Variants in SLC13A2 observed in about 807,000 individuals in gnomAD.
SLC13A2 encodes Na(+)-coupled citrate transporter.
Under a neutral mutation model 58.5 loss-of-function variants are expected in SLC13A2, and 40 were observed. That is an observed-to-expected ratio of 0.68 (90% confidence interval 0.53 to 0.89). The LOEUF (loss-of-function observed/expected upper bound fraction) is 0.89, where lower values mean the gene tolerates loss of function less well. Among genes scored for constraint, SLC13A2 ranks in the 40% least tolerant of loss-of-function variants. The pLI is 0.00. For synonymous variants in SLC13A2, 341 were observed against 331.6 expected (o/e 1.03, Z -0.31); for missense variants, 694 against 772.6 (o/e 0.90, Z 1.21).
chr17:28,494,382 GGGAAGTAGAAAACCCAGGGAAGCTGAA>G lies in SLC13A2; in HGVS notation c.1187-6_1207del, dbSNP rs781913631. The G allele has an allele frequency of 2.5e-6, 4 of 1,614,042 alleles. No individual in the cohort carries two copies. The East Asian group carries it at 8.9e-5, about 36-fold the overall frequency. On this transcript the variant is annotated splice_acceptor_variant and splice_polypyrimidine_tract_variant and coding_sequence_variant and intron_variant, in exon 9 of 12. Coordinates refer to ENST00000314669, the MANE Select transcript of SLC13A2 (RefSeq NM_003984.4). LOFTEE classifies it high-confidence loss of function. This position sits in a 1 kb window ranked among gnomAD's most constrained non-coding sequence, Gnocchi z 4.0. ...TTTGGTGACCCATCCTTCTCTGCTTGGGAAGTAGAAAACCCAGGGAAGCTGAAGGCCCCTCTTGGCCTCCTCGACTGG... is the reference window on the plus strand; with the variant it reads ...TTTGGTGACCCATCCTTCTCTGCTTGGGCCCCTCTTGGCCTCCTCGACTGG...
At chr17:28,489,379 T>C (rs1228818131) in intron 2 of SLC13A2, 37 bp downstream of exon 2, 1 of 1,580,318 alleles carries the variant, frequency 6.3e-7, no homozygotes, top group South Asian at 1.2e-5. Context: ...TTCTGGGCAG[T>C]GCGGGAGGCC....
rs919442276 is a variant in SLC13A2 at position 28,496,363 on chromosome 17, C to G, written c.1471-87C>G. On this transcript the variant is annotated intron_variant, in intron 10 of 11. Transcript: ENST00000314669. The surrounding 1 kb of genome is among the most constrained non-coding windows in gnomAD (Gnocchi z 4.2). Reference sequence around the variant, plus strand: ...GTGTATTAGGGTACAGGGGTTGTTCCCCAGAGAAGCAGGAGAATTGGGGGC... The same window carrying G: ...GTGTATTAGGGTACAGGGGTTGTTCGCCAGAGAAGCAGGAGAATTGGGGGC... The G allele has an allele frequency of 3.4e-6, 5 of 1,490,736 alleles. No homozygotes were observed. The African/African-American group carries it at 7.0e-5, about 21-fold the overall frequency. 92.3% of individuals were successfully genotyped at this position (1,490,736 alleles called of 1,614,324 possible).
At position 28,490,465 on chromosome 17, in the gene SLC13A2, G is replaced by A. The variant is rs1555603008; in HGVS notation, c.243G>A (p.Glu81=). Residue 81 remains glutamate (E), a synonymous_variant, in exon 3 of 12, where the codon GAG becomes GAA. Coordinates refer to ENST00000314669, the MANE Select transcript of SLC13A2 (RefSeq NM_003984.4). ...GIVDASEVAV[E]YLKDSNLLFF... Reference sequence around the variant, plus strand: ...TCTCCACCTGCCAGGTTGCCGTCGAGTATCTTAAGGACTCCAACCTCCTGT... The same window carrying A: ...TCTCCACCTGCCAGGTTGCCGTCGAATATCTTAAGGACTCCAACCTCCTGT... 1 of 1,614,080 alleles carries A rather than the reference G, an allele frequency of 6.2e-7. No individual in the cohort carries two copies. Among genetic ancestry groups the A allele is most frequent in the Non-Finnish European group, 8.5e-7 (1 of 1,180,024 alleles).
chr17:28,489,466 A>T lies in SLC13A2; in HGVS notation c.231+124A>T, dbSNP rs1049683851. 9.5e-6 allele frequency: 11 copies of T among 1,156,784 alleles called. No individual in the cohort carries two copies. The African/African-American group carries it at 1.3e-4, about 13-fold the overall frequency. 71.7% of individuals were successfully genotyped at this position (1,156,784 alleles called of 1,614,324 possible). On this transcript the variant is annotated intron_variant, in intron 2 of 11. Transcript: ENST00000314669. ...AGGGCACATGGATTAGGGGTTCCTG[A>T]CTCTGCATGAGGAAGAAGTCAGCTA...
chr17:28,497,467 T>C lies in SLC13A2; in HGVS notation c.*198T>C. ...TGTGCTGGAATAAAAGGTGTGTGCATGTGTGTGTGCGCATATGTGTGCGCC... is the reference window on the plus strand; with the variant it reads ...TGTGCTGGAATAAAAGGTGTGTGCACGTGTGTGTGCGCATATGTGTGCGCC... On this transcript the variant is annotated 3_prime_UTR_variant, in exon 12 of 12. Coordinates refer to ENST00000314669, the MANE Select transcript of SLC13A2 (RefSeq NM_003984.4). 1.6e-6 allele frequency: 1 copy of C among 625,310 alleles called. No individual in the cohort carries two copies. The highest frequency in any genetic ancestry group is 2.8e-5 in the East Asian group (1 of 36,214). 38.7% of individuals were successfully genotyped at this position (625,310 alleles called of 1,614,324 possible).
intron 6 of SLC13A2, among the ~76,000 whole-genome samples, chr17:28,492,333 G>C (rs1422480733): frequency 3.9e-5 from 6 of 152,230 alleles, no homozygotes; most frequent in Non-Finnish European, 7.3e-5. Flanking sequence ...GGGAAGCCCA[G>C]ATGCTGCAAG....
chr17:28,490,309 C>G (rs1298698396), intron 2 of SLC13A2, 145 bp from the exon 3 acceptor site: 42 of 1,586,522 alleles, frequency 2.6e-5, no homozygotes, highest in Non-Finnish European at 3.3e-5. Flanking sequence ...AATGGCAGAT[C>G]ATTCAGAGAC....
intron 1 of SLC13A2, among the ~76,000 whole-genome samples, chr17:28,487,130 T>C (rs2068897446): frequency 6.6e-6 from 1 of 152,164 alleles, no homozygotes; most frequent in Non-Finnish European, 1.5e-5. Context: ...CTTTGGAGTA[T>C]GGAAACAGGG....
chr17:28,492,821 T>C (rs542111118), intron 6 of SLC13A2, among the ~76,000 whole-genome samples: 4 of 152,376 alleles, frequency 2.6e-5, no homozygotes, highest in African/African-American at 9.6e-5. Flanking sequence ...TGAGTGTTAC[T>C]GTGGTATTAA....
intron 1 of SLC13A2, among the ~76,000 whole-genome samples, chr17:28,481,430 G>C (rs1346568275): frequency 6.6e-6 from 1 of 152,208 alleles, no homozygotes; most frequent in Non-Finnish European, 1.5e-5. Context: ...GCAGGCATGG[G>C]GTGGGAAAGC....
intron 6 of SLC13A2, 44 bp from the exon 7 acceptor site, chr17:28,493,527 C>A (rs782439435): frequency 2.0e-6 from 3 of 1,521,474 alleles, no homozygotes; most frequent in Non-Finnish European, 1.8e-6. Flanking sequence ...TTGCTCCCTG[C>A]TGGAGCAGGC....
At chr17:28,485,769 T>C (rs1338791632) in intron 1 of SLC13A2, among the ~76,000 whole-genome samples, 2 of 152,020 alleles carry the variant, frequency 1.3e-5, no homozygotes, top group Non-Finnish European at 2.9e-5. Flanking sequence ...GGAGGATCAC[T>C]TGAAACCAGC....
chr17:28,489,774 T>C (rs906849511), intron 2 of SLC13A2, among the ~76,000 whole-genome samples: 1 of 152,224 alleles, frequency 6.6e-6, no homozygotes, highest in Non-Finnish European at 1.5e-5. Context: ...TTCTAACAAG[T>C]TCCAGTTGGT....
At position 28,497,290 on chromosome 17, in the gene SLC13A2, T is replaced by C; in HGVS notation, c.*21T>C. Reference sequence around the variant, plus strand: ...CCTAGGCTGGGGCACAGCCTGGCCATGCCCAGGAAGACCCACCCCATTCCC... The same window carrying C: ...CCTAGGCTGGGGCACAGCCTGGCCACGCCCAGGAAGACCCACCCCATTCCC... On this transcript the variant is annotated 3_prime_UTR_variant, in exon 12 of 12. Transcript: ENST00000314669. The C allele has an allele frequency of 6.2e-7, 1 of 1,602,022 alleles. No individual in the cohort carries two copies. Among genetic ancestry groups the C allele is most frequent in the Non-Finnish European group, 8.5e-7 (1 of 1,171,798 alleles).
intron 1 of SLC13A2, among the ~76,000 whole-genome samples, chr17:28,481,972 GTTTA>G (rs1456962900): frequency 1.3e-5 from 2 of 151,830 alleles, no homozygotes; most frequent in Non-Finnish European, 2.9e-5. Flanking sequence ...TAATAGCTGT[GTTTA>G]TTTATTTGTT....
chr17:28,494,009 A>G lies in SLC13A2; in HGVS notation c.1098-8A>G. 6.2e-7 allele frequency: 1 copy of G among 1,609,036 alleles called. No homozygotes were observed. Among genetic ancestry groups the G allele is most frequent in the Non-Finnish European group, 8.5e-7 (1 of 1,176,342 alleles). ...ACCCAGCCCTCCCCGCGCCCCCTCCACCAACAGCATGGTGTCCGATGGGAC... is the reference window on the plus strand; with the variant it reads ...ACCCAGCCCTCCCCGCGCCCCCTCCGCCAACAGCATGGTGTCCGATGGGAC... On this transcript the variant is annotated splice_polypyrimidine_tract_variant and splice_region_variant and intron_variant, in intron 7 of 11. Transcript: ENST00000314669. The surrounding 1 kb of genome is among the most constrained non-coding windows in gnomAD (Gnocchi z 4.0).
In SLC13A2 at chr17:28,482,005, GGTTT is replaced by G. The variant is rs372987612; in HGVS notation, c.103-7184_103-7181del. Among the ~76,000 whole-genome samples, 1,412 of 151,940 alleles carry G rather than the reference GGTTT, an allele frequency of 9.3e-3. 14 individuals are homozygous for G. Among genetic ancestry groups the G allele is most frequent in the African/African-American group, 0.026 (1,066 of 41,456 alleles). On this transcript the variant is annotated intron_variant, in intron 1 of 11. Transcript: ENST00000314669. Reference sequence around the variant, plus strand: ...ATTTGTTTAGGTTTTAAAAGTTAAGGGTTTGTTTGTTTGTTTGTTTGTTTGTTTT... The same window carrying G: ...ATTTGTTTAGGTTTTAAAAGTTAAGGGTTTGTTTGTTTGTTTGTTTGTTTT...
rs781796055 is a variant in SLC13A2, at chr17:28,494,001, C to T, written c.1098-16C>T. Reference sequence around the variant, plus strand: ...AGCGGCTAACCCAGCCCTCCCCGCGCCCCCTCCACCAACAGCATGGTGTCC... The same window carrying T: ...AGCGGCTAACCCAGCCCTCCCCGCGTCCCCTCCACCAACAGCATGGTGTCC... On this transcript the variant is annotated splice_polypyrimidine_tract_variant and intron_variant, in intron 7 of 11. Coordinates refer to ENST00000314669, the MANE Select transcript of SLC13A2 (RefSeq NM_003984.4). This position sits in a 1 kb window ranked among gnomAD's most constrained non-coding sequence, Gnocchi z 4.0. 1 of 1,612,368 alleles carries T rather than the reference C, an allele frequency of 6.2e-7. No individual in the cohort carries two copies. Among genetic ancestry groups the T allele is most frequent in the East Asian group, 2.2e-5 (1 of 44,852 alleles).
chr17:28,495,777 G>A lies in SLC13A2; in HGVS notation c.1431G>A (p.Val477=). The part of the protein sequence containing the change: ...VATFTECTSN[V]ATTTIFLPIL... The stretch of plus-strand genomic sequence containing the variant: ...CCTTCACCGAGTGCACTAGCAACGT[G>A]GCCACCACTACGATCTTCCTGCCCA... The change falls in exon 10 of 12, where the codon GTG becomes GTA. Residue 477 remains valine, a synonymous_variant. Coordinates refer to ENST00000314669, the MANE Select transcript of SLC13A2 (RefSeq NM_003984.4). 1 of 1,613,496 alleles carries A rather than the reference G, an allele frequency of 6.2e-7. No individual in the cohort carries two copies. Among genetic ancestry groups the A allele is most frequent in the Non-Finnish European group, 8.5e-7 (1 of 1,179,958 alleles).
Sources: allele counts gnomAD v4.1 joint callset (sites outside exome capture counted in the v4.1 genomes callset), GRCh38; gene constraint gnomAD v4.1.1; non-coding constraint Gnocchi (gnomAD v3.1); transcripts MANE v1.5; gene names NCBI Gene and HGNC (gene_info 2026-07-23, HGNC 2026-07-21).